The following PAK6 variants were observed in gnomAD, a reference collection of about 807,000 sequenced individuals.
PAK6 encodes the protein p21 (RAC1) activated kinase 6.
Under a neutral mutation model 60.8 loss-of-function variants are expected in PAK6, and 33 were observed. The ratio of observed to expected loss-of-function variants is 0.54; its 90% confidence interval spans 0.41 to 0.73. The LOEUF (loss-of-function observed/expected upper bound fraction) is 0.73, where lower values mean the gene tolerates loss of function less well. PAK6 is among the 30% of genes least tolerant of loss of function. PAK6 has a pLI of 0.00. For missense variants in PAK6, 845 were observed against 904.1 expected (o/e 0.93, Z 0.84); for synonymous variants, 404 against 378.5 (o/e 1.07, Z -0.78).
intron 10 of PAK6, among the ~76,000 whole-genome samples, chr15:40,275,551 C>T (rs1324162006): frequency 6.6e-6 from 1 of 152,070 alleles, no homozygotes; most frequent in Non-Finnish European, 1.5e-5. Context: ...TCCCAAAGTG[C>T]TGGGATTACA....
At chr15:40,272,164 G>T in intron 5 of PAK6, 60 bp from the exon 6 acceptor site, 2 of 1,547,118 alleles carry the variant, frequency 1.3e-6, no homozygotes, top group South Asian at 2.4e-5. Flanking sequence ...CCCTGCCTCC[G>T]GGAAGGTTAT....
At chr15:40,252,457 G>A in intron 2 of PAK6, 1 of 1,361,502 alleles carries the variant, frequency 7.3e-7, no homozygotes, top group Non-Finnish European at 9.8e-7. Context: ...CGGGCAGAGG[G>A]GCTCCTGGCC....
At chr15:40,243,613 G>T (rs977192836) in intron 2 of PAK6, among the ~76,000 whole-genome samples, 1 of 152,202 alleles carries the variant, frequency 6.6e-6, no homozygotes, top group East Asian at 1.9e-4. Flanking sequence ...ATCAGGAAAG[G>T]CTTCACGGAG....
intron 4 of PAK6, 22 bp downstream of exon 4, chr15:40,265,011 G>A (rs2039083090): frequency 6.2e-7 from 1 of 1,606,746 alleles, no homozygotes. Context: ...CGGCAGGGAT[G>A]AGGTTCAGCC....
chr15:40,269,034 T>A (rs2039228890), intron 5 of PAK6, among the ~76,000 whole-genome samples: 1 of 152,206 alleles, frequency 6.6e-6, no homozygotes. Context: ...ATTAGTAGTA[T>A]TTGAGATGGC....
rs769802637 is a variant in PAK6 at position 40,273,683 on chromosome 15, G to A, written c.1743+7G>A. 1.5e-5 allele frequency: 24 copies of A among 1,612,750 alleles called. No individual in the cohort carries two copies. The Admixed American group carries it at 1.5e-4, about 10-fold the overall frequency. On this transcript the variant is annotated splice_region_variant and intron_variant, in intron 9 of 10. Coordinates refer to ENST00000560346, the Ensembl canonical transcript of PAK6. ...GTCTTTGTATGCCACTGAGGTAACCGTTCCCTCCACCCCCCAGACCTCCCA... is the reference window on the plus strand; with the variant it reads ...GTCTTTGTATGCCACTGAGGTAACCATTCCCTCCACCCCCCAGACCTCCCA...
chr15:40,252,312 G>GACC, intron 2 of PAK6: 1 of 1,241,806 alleles, frequency 8.1e-7, no homozygotes, highest in Non-Finnish European at 1.0e-6. Context: ...TCGGGTCTCC[G>GACC]CGAGGCGGCC....
intron 10 of PAK6, 55 bp from the exon 11 acceptor site, chr15:40,275,872 G>A (rs1334655425): frequency 1.3e-6 from 2 of 1,523,780 alleles, no homozygotes; most frequent in East Asian, 2.3e-5. Context: ...AGGCAATCAG[G>A]TCACCCCGAA....
intron 2 of PAK6, chr15:40,252,311 C>A (rs775863490): frequency 8.1e-7 from 1 of 1,240,866 alleles, no homozygotes; most frequent in East Asian, 5.5e-5. Flanking sequence ...GTCGGGTCTC[C>A]GCGAGGCGGC....
Position 40,274,247 on chromosome 15 carries a change from C to A in PAK6, c.1849C>A (p.Pro617Thr), listed in dbSNP as rs1222058076. The change falls in exon 10 of 11, where the codon CCC (proline) becomes ACC (threonine). Residue 617 changes from proline (P) to threonine (T), a missense_variant. Physicochemically the swap from Pro to Thr is conservative, Grantham distance 38. Coordinates refer to ENST00000560346, the Ensembl canonical transcript of PAK6. Reference sequence around the variant, plus strand: ...AGCCATGAAGAGGCTCCGGGACAGCCCCCCACCCAAGCTGAAAAACTCTCA... The same window carrying A: ...AGCCATGAAGAGGCTCCGGGACAGCACCCCACCCAAGCTGAAAAACTCTCA... 7 of 1,610,862 alleles carry A rather than the reference C, an allele frequency of 4.3e-6. No homozygotes were observed. The highest frequency in any genetic ancestry group is 1.3e-5 in the African/African-American group (1 of 74,798).
chr15:40,266,760 A>G (rs1264377861), intron 5 of PAK6: 2 of 407,822 alleles, frequency 4.9e-6, no homozygotes, highest in Non-Finnish European at 8.7e-6. Context: ...GGCCATAGGA[A>G]AAGCTGGATT....
intron 2 of PAK6, chr15:40,252,827 C>G (rs1454031337): frequency 1.6e-6 from 2 of 1,288,792 alleles, no homozygotes; most frequent in Non-Finnish European, 2.0e-6. Context: ...GCGCAGGCAT[C>G]TGGAGCTCCG....
At chr15:40,266,464 G>A (rs774504023) in exon 5 of PAK6, 3 of 1,610,820 alleles carry the variant, frequency 1.9e-6, no homozygotes, top group Non-Finnish European at 8.5e-7. Context: ...CCTCCAAGCA[G>A]CAGCAAGCCA....
chr15:40,245,458 C>G (rs1437388277), intron 2 of PAK6: 1 of 152,218 alleles, frequency 6.6e-6, no homozygotes, highest in Non-Finnish European at 1.5e-5. Flanking sequence ...GCTCTAGCCT[C>G]CATTTTCTTT....
intron 2 of PAK6, chr15:40,252,175 G>A (rs2038687469): frequency 1.4e-5 from 12 of 857,858 alleles, no homozygotes; most frequent in Non-Finnish European, 1.6e-5. Flanking sequence ...GGCTCTCCAG[G>A]ATGTGTGGGT....
intron 9 of PAK6, 75 bp downstream of exon 9, chr15:40,273,751 C>T (rs909848296): frequency 6.5e-7 from 1 of 1,546,072 alleles, no homozygotes; most frequent in African/African-American, 1.4e-5. Context: ...GTGGCCCCTC[C>T]AGTGAGCTCA....
At chr15:40,257,882 T>G (rs1363631087) in intron 3 of PAK6, among the ~76,000 whole-genome samples, 2 of 152,132 alleles carry the variant, frequency 1.3e-5, no homozygotes, top group East Asian at 3.9e-4. Context: ...AATCCCCTTG[T>G]CTCTGTGGAA....
chr15:40,259,708 A>G (rs1595583182), intron 3 of PAK6: 1 of 138,646 alleles, frequency 7.2e-6, no homozygotes, highest in African/African-American at 2.7e-5. Flanking sequence ...AATCACTTGA[A>G]CCTGGAAGGC....
intron 5 of PAK6, chr15:40,266,746 G>C (rs1462190543): frequency 6.8e-6 from 3 of 438,200 alleles, no homozygotes; most frequent in African/African-American, 6.1e-5. Context: ...GTTCCCAAGT[G>C]TGTGGCCATA....
Sources: allele counts gnomAD v4.1 joint callset (sites outside exome capture counted in the v4.1 genomes callset), GRCh38; gene constraint gnomAD v4.1.1; transcripts MANE v1.5; gene names NCBI Gene and HGNC (gene_info 2026-07-23, HGNC 2026-07-21).